Variants in RASSF3 observed in about 807,000 individuals in gnomAD.
RASSF3 encodes Ras association domain family member 3.
RASSF3 carries 19 observed loss-of-function variants against 19.9 expected under a neutral mutation model. The ratio of observed to expected loss-of-function variants is 0.96; its 90% CI spans 0.67 to 1.40. RASSF3 has a LOEUF of 1.40. Ranked by LOEUF, RASSF3 falls within the 40% of genes most tolerant of loss-of-function variation. The pLI is 0.00. For missense variants in RASSF3, 306 were observed against 289.8 expected, an observed-to-expected ratio of 1.06 and a Z score of -0.41; for synonymous variants, 110 against 104.2, an observed-to-expected ratio of 1.06 and a Z score of -0.34.
At chr12:64,603,832 A>C (rs1259153934) in intron 2 of RASSF3, among the ~76,000 whole-genome samples, 1 of 151,988 alleles carries the variant, frequency 6.6e-6, no homozygotes, top group Non-Finnish European at 1.5e-5. Context: ...GAACACAGGC[A>C]GTCTGATTTC....
chr12:64,673,591 G>A (rs1350818148), intron 1 of RASSF3, among the ~76,000 whole-genome samples: 6 of 152,148 alleles, frequency 3.9e-5, no homozygotes, highest in East Asian at 3.9e-4. Context: ...CCGAGAGGAC[G>A]GCTGCAGCAA....
chr12:64,523,946 G>A (rs1311973040), intron 1 of RASSF3, among the ~76,000 whole-genome samples: 1 of 151,968 alleles, frequency 6.6e-6, no homozygotes, highest in East Asian at 1.9e-4. Flanking sequence ...CAGTTCCTGA[G>A]CTCATCGGGG....
intron 2 of RASSF3, among the ~76,000 whole-genome samples, chr12:64,559,523 C>A (rs908806835): frequency 6.6e-6 from 1 of 152,168 alleles, no homozygotes; most frequent in Non-Finnish European, 1.5e-5. Context: ...CCCACCTCGG[C>A]CTCCCAAAGT....
intron 1 of RASSF3, among the ~76,000 whole-genome samples, chr12:64,646,193 G>A (rs1326753123): frequency 6.6e-6 from 1 of 152,120 alleles, no homozygotes; most frequent in African/African-American, 2.4e-5. Flanking sequence ...TCCTTTGGTG[G>A]ACATAACCCT....
intron 2 of RASSF3, among the ~76,000 whole-genome samples, chr12:64,551,901 T>G (rs1471178754): frequency 6.6e-6 from 1 of 152,098 alleles, no homozygotes; most frequent in African/African-American, 2.4e-5. Flanking sequence ...AGTTTTTCTG[T>G]GAGACTGAGA....
intron 1 of RASSF3, among the ~76,000 whole-genome samples, chr12:64,534,320 A>G (rs1868776518): frequency 6.6e-6 from 1 of 151,864 alleles, no homozygotes; most frequent in African/African-American, 2.4e-5. Context: ...TTCTACAACA[A>G]CGACACTAAC....
chr12:64,643,007 A>G (rs943903632), intron 1 of RASSF3, among the ~76,000 whole-genome samples: 1 of 151,910 alleles, frequency 6.6e-6, no homozygotes, highest in African/African-American at 2.4e-5. Context: ...CTACAGGCAC[A>G]TGGCACCACA....
chr12:64,574,574 T>C (rs573875582), intron 2 of RASSF3, among the ~76,000 whole-genome samples: 8 of 152,356 alleles, frequency 5.3e-5, no homozygotes, highest in Middle Eastern at 3.4e-3. Context: ...GCATATGTGA[T>C]GCAAGTAAAA....
intron 1 of RASSF3, among the ~76,000 whole-genome samples, chr12:64,662,010 A>G (rs1872384400): frequency 6.7e-6 from 1 of 150,186 alleles, no homozygotes; most frequent in Non-Finnish European, 1.5e-5. Flanking sequence ...AAAAAAGTGT[A>G]TTAAGCACCA....
intron 1 of RASSF3, among the ~76,000 whole-genome samples, chr12:64,638,138 A>G (rs1871386826): frequency 1.3e-5 from 2 of 152,148 alleles, no homozygotes; most frequent in Admixed American, 6.5e-5. Flanking sequence ...CCTAGTTATC[A>G]TATATCTCTA....
At chr12:64,658,631 G>A in intron 1 of RASSF3, among the ~76,000 whole-genome samples, 1 of 152,012 alleles carries the variant, frequency 6.6e-6, no homozygotes. Context: ...GTGAAACCCT[G>A]TCTCTACTAA....
At position 64,624,031 on chromosome 12, in the gene RASSF3, T is replaced by G. The variant is rs189655998; in HGVS notation, c.111+13288T>G. On this transcript the variant is annotated intron_variant, in intron 1 of 4. Transcript: ENST00000542104. ...AAACTGTCAATTAGCATGAATGAGG[T>G]GCTGCTGCCATGCAGGGGTTTGATC... Among the ~76,000 whole-genome samples the G allele has an allele frequency of 2.6e-5, 4 of 152,036 alleles. 1 individual carries two copies. The highest frequency in any genetic ancestry group is 9.7e-5 in the African/African-American group (4 of 41,294).
intron 1 of RASSF3, among the ~76,000 whole-genome samples, chr12:64,681,732 G>A (rs1473775474): frequency 6.6e-6 from 1 of 152,158 alleles, no homozygotes; most frequent in African/African-American, 2.4e-5. Flanking sequence ...CTTCATTGGG[G>A]CTCAGTGCAG....
At chr12:64,612,687 G>A (rs1005432216) in intron 1 of RASSF3, among the ~76,000 whole-genome samples, 6 of 151,972 alleles carry the variant, frequency 3.9e-5, no homozygotes, top group African/African-American at 1.5e-4. Flanking sequence ...TGTTGGCCAG[G>A]CTGGTCTCGA....
intron 1 of RASSF3, among the ~76,000 whole-genome samples, chr12:64,613,208 C>T (rs1470561106): frequency 1.4e-5 from 2 of 139,880 alleles, no homozygotes; most frequent in African/African-American, 2.6e-5. Flanking sequence ...GTTAGATAAG[C>T]CTTTTTCTTC....
chr12:64,551,595 T>A (rs1869164828), intron 2 of RASSF3, among the ~76,000 whole-genome samples: 1 of 152,148 alleles, frequency 6.6e-6, no homozygotes, highest in Non-Finnish European at 1.5e-5. Context: ...ATGCATGTAG[T>A]AAATGTAATC....
chr12:64,614,207 C>T (rs1156338922), intron 1 of RASSF3, among the ~76,000 whole-genome samples: 1 of 148,140 alleles, frequency 6.8e-6, no homozygotes, highest in African/African-American at 2.5e-5. Context: ...GATCTCGGCT[C>T]ACTGCAACCT....
intron 1 of RASSF3, among the ~76,000 whole-genome samples, chr12:64,648,542 G>A (rs1222224919): frequency 6.6e-6 from 1 of 151,330 alleles, no homozygotes; most frequent in Non-Finnish European, 1.5e-5. Flanking sequence ...TTGAGATGGA[G>A]CACGTTCCTG....
upstream of RASSF3, among the ~76,000 whole-genome samples, chr12:64,531,066 T>G (rs1868697728): frequency 6.6e-6 from 1 of 152,196 alleles, no homozygotes; most frequent in Non-Finnish European, 1.5e-5. Context: ...AGCTTATCAA[T>G]TTTTTCTTCT....
Sources: gnomAD v4.1 joint callset for allele counts (sites outside exome capture counted in the v4.1 genomes callset) on GRCh38, gnomAD v4.1.1 for gene constraint, MANE v1.5 for transcripts, NCBI Gene and HGNC (gene_info 2026-07-23, HGNC 2026-07-21) for gene names.